The following EGF variants were observed in gnomAD, a reference collection of about 807,000 sequenced individuals.
EGF encodes the protein pro-epidermal growth factor.
A neutral mutation model predicts 143.8 loss-of-function variants in EGF; 95 were observed. That is an observed-to-expected ratio of 0.66 (90% confidence interval 0.56 to 0.78). EGF has a LOEUF of 0.78. Ranked by LOEUF, EGF falls within the 30% of genes least tolerant of loss-of-function variation. The probability of loss-of-function intolerance (pLI) is 0.00; values close to 1 mark genes in which losing one functional copy is unlikely to be tolerated. For synonymous variants in EGF, 510 were observed against 510.5 expected (o/e 1.00, Z 0.01); for missense variants, 1,320 against 1,470.9 (o/e 0.90, Z 1.68).
At chr4:109,987,466 C>T (rs903007065) in intron 16 of EGF, among the ~76,000 whole-genome samples, 3 of 152,080 alleles carry the variant, frequency 2.0e-5, no homozygotes, top group African/African-American at 7.2e-5. Context: ...AGAGTTTCAC[C>T]ATGTTGCCCA....
At chr4:109,961,621 A>G (rs1745712080) in intron 7 of EGF, among the ~76,000 whole-genome samples, 1 of 152,194 alleles carries the variant, frequency 6.6e-6, no homozygotes, top group Admixed American at 6.5e-5. Context: ...ACATTATTGT[A>G]TCTAAAAAAC....
intron 1 of EGF, among the ~76,000 whole-genome samples, chr4:109,934,418 T>C (rs1322795548): frequency 1.3e-5 from 2 of 152,234 alleles, no homozygotes; most frequent in East Asian, 3.8e-4. Flanking sequence ...GTTTGGTTTT[T>C]TCTTGTAAAT....
Position 109,918,260 on chromosome 4 carries a change from T to TG in EGF, c.127+4798_127+4799insG, listed in dbSNP as rs1227779253. 2.6e-3 allele frequency among the ~76,000 whole-genome samples: 389 copies of TG among 151,834 alleles called. 1 individual carries two copies. Among genetic ancestry groups the TG allele is most frequent in the African/African-American group, 9.0e-3 (374 of 41,378 alleles). On this transcript the variant is annotated intron_variant, in intron 1 of 23. Coordinates refer to ENST00000265171, the MANE Select transcript of EGF (RefSeq NM_001963.6). ...TCTCTTGATTGCTAGGTGTGGTTTT[T>TG]TTTTTTTTTTTAAATTTCAAGTAAA...
At chr4:109,988,067 G>C (rs1380356058) in intron 17 of EGF, among the ~76,000 whole-genome samples, 1 of 152,000 alleles carries the variant, frequency 6.6e-6, no homozygotes, top group Non-Finnish European at 1.5e-5. Context: ...TGAGTTTATA[G>C]TAAAATTTAT....
intron 6 of EGF, among the ~76,000 whole-genome samples, chr4:109,960,547 A>T (rs1745514417): frequency 6.6e-6 from 1 of 152,176 alleles, no homozygotes; most frequent in South Asian, 2.1e-4. Flanking sequence ...CAGGAGGCTG[A>T]GGTGGGAGGA....
At chr4:109,927,108 GAT>G (rs1738815332) in intron 1 of EGF, among the ~76,000 whole-genome samples, 1 of 151,992 alleles carries the variant, frequency 6.6e-6, no homozygotes, top group Non-Finnish European at 1.5e-5. Flanking sequence ...AATCTAGAAA[GAT>G]AGAAATTTGC....
Position 109,981,578 on chromosome 4 carries a change from T to A in EGF, c.2371+603T>A, listed in dbSNP as rs17041134. Among the ~76,000 whole-genome samples the A allele has an allele frequency of 0.013, 2,004 of 152,336 alleles. 203 individuals are homozygous for A. In the East Asian group the frequency reaches 0.23, roughly 18 times the overall value. On this transcript the variant is annotated intron_variant, in intron 15 of 23. Transcript: ENST00000265171. ...AACAATCTGGGCATCTGTGGATTCATCCCTTGATATCTTTCTAGCAGAAAT... is the reference window on the plus strand; with the variant it reads ...AACAATCTGGGCATCTGTGGATTCAACCCTTGATATCTTTCTAGCAGAAAT...
chr4:109,942,927 T>C (rs1742167055), intron 2 of EGF, among the ~76,000 whole-genome samples: 3 of 152,234 alleles, frequency 2.0e-5, no homozygotes, highest in African/African-American at 7.2e-5. Flanking sequence ...GCTGTCTGTA[T>C]GGTTGCATCA....
intron 6 of EGF, 91 bp downstream of exon 6, chr4:109,959,528 C>A (rs1204464578): frequency 6.2e-7 from 1 of 1,602,664 alleles, no homozygotes; most frequent in Admixed American, 1.7e-5. Context: ...CTTCAGTGGG[C>A]CAGCCAGAGA....
At chr4:109,953,787 T>A (rs994990349) in intron 5 of EGF, among the ~76,000 whole-genome samples, 3 of 152,204 alleles carry the variant, frequency 2.0e-5, no homozygotes, top group Non-Finnish European at 4.4e-5. Flanking sequence ...CTGGGATTAG[T>A]AAGAAAGAAC....
At chr4:109,917,496 C>CT (rs948023470) in intron 1 of EGF, among the ~76,000 whole-genome samples, 60 of 147,766 alleles carry the variant, frequency 4.1e-4, no homozygotes, top group Middle Eastern at 3.5e-3. Context: ...TAGTTTTTGT[C>CT]TTTTTTTTTT....
chr4:109,988,502 C>G, intron 17 of EGF, 82 bp from the exon 18 acceptor site: 1 of 1,590,224 alleles, frequency 6.3e-7, no homozygotes, highest in Non-Finnish European at 8.6e-7. Flanking sequence ...ATTGAATATA[C>G]GATTATGCTT....
At chr4:109,931,074 A>C (rs1195720000) in intron 1 of EGF, among the ~76,000 whole-genome samples, 1 of 152,234 alleles carries the variant, frequency 6.6e-6, no homozygotes, top group Non-Finnish European at 1.5e-5. Flanking sequence ...CTGTTCAAAC[A>C]TGCACACCTT....
In EGF at chr4:109,993,328, T is replaced by C. The variant is rs370302729; in HGVS notation, c.2816T>C (p.Met939Thr). Reference protein sequence around the residue: ...CTNTEGGYTCMCAGRLSEPGL... With the variant: ...CTNTEGGYTCTCAGRLSEPGL... ...AATACAGAGGGAGGCTATACCTGCA[T>C]GTGTGCTGGACGCCTGTCTGAACCA... Residue 939 changes from methionine to threonine, a missense_variant, in exon 19 of 24, where the codon ATG becomes ACG. Around this residue, in one of 5 missense-constraint regions of EGF, gnomAD observed 1,186 missense variants for 1,313.7 expected, o/e 0.90. Transcript: ENST00000265171. The C allele has an allele frequency of 2.5e-5, 41 of 1,613,666 alleles. No individual in the cohort carries two copies. The highest frequency in any genetic ancestry group is 3.2e-5 in the Non-Finnish European group (38 of 1,179,896).
chr4:109,928,526 T>G (rs1739127737), intron 1 of EGF, among the ~76,000 whole-genome samples: 1 of 152,114 alleles, frequency 6.6e-6, no homozygotes, highest in African/African-American at 2.4e-5. Flanking sequence ...TCTAAAAAGG[T>G]GCCAGACTCT....
chr4:109,947,924 C>G (rs1394722926), intron 5 of EGF, among the ~76,000 whole-genome samples: 1 of 152,176 alleles, frequency 6.6e-6, no homozygotes, highest in African/African-American at 2.4e-5. Context: ...AGCACCTTTT[C>G]CATGATCACA....
chr4:109,983,911 G>A (rs555975642), intron 16 of EGF, among the ~76,000 whole-genome samples: 3 of 152,336 alleles, frequency 2.0e-5, no homozygotes, highest in Non-Finnish European at 2.9e-5. Context: ...AAAGTTGATA[G>A]TAATTGATAA....
At chr4:110,005,770 T>C (rs1160301816) in intron 22 of EGF, among the ~76,000 whole-genome samples, 5 of 152,276 alleles carry the variant, frequency 3.3e-5, no homozygotes, top group African/African-American at 1.2e-4. Flanking sequence ...TGGTATATAT[T>C]GTGGAAGAGA....
intron 16 of EGF, among the ~76,000 whole-genome samples, chr4:109,985,394 G>A (rs1218387142): frequency 6.6e-6 from 1 of 152,226 alleles, no homozygotes; most frequent in African/African-American, 2.4e-5. Flanking sequence ...GGATTTTAGA[G>A]TATAATCTAA....
Sources: allele counts gnomAD v4.1 joint callset (sites outside exome capture counted in the v4.1 genomes callset), GRCh38; gene constraint gnomAD v4.1.1; regional missense constraint gnomAD v4.1.1; transcripts MANE v1.5; gene names NCBI Gene and HGNC (gene_info 2026-07-23, HGNC 2026-07-21).